Variants in PITPNB observed in about 807,000 individuals in gnomAD.
PITPNB encodes the protein phosphatidylinositol transfer protein beta isoform.
In PITPNB, 16 loss-of-function variants were observed where a neutral mutation model predicts 45.9. That is an observed-to-expected ratio of 0.35 (90% confidence interval 0.24 to 0.53). The LOEUF (loss-of-function observed/expected upper bound fraction) is 0.53, where lower values mean the gene tolerates loss of function less well. PITPNB is among the 20% of genes least tolerant of loss of function. The pLI is 0.93. For synonymous variants in PITPNB, 112 were observed against 108.9 expected (o/e 1.03, Z -0.18); for missense variants, 188 against 330.5 (o/e 0.57, Z 3.34).
chr22:27,893,504 C>T (rs960225246), intron 7 of PITPNB, among the ~76,000 whole-genome samples: 2 of 150,322 alleles, frequency 1.3e-5, no homozygotes, highest in Admixed American at 6.6e-5. Flanking sequence ...AGGATGGTCT[C>T]GATCTCCTGA....
At chr22:27,884,220 G>A (rs544682635) in intron 7 of PITPNB, among the ~76,000 whole-genome samples, 1 of 152,096 alleles carries the variant, frequency 6.6e-6, no homozygotes, top group Non-Finnish European at 1.5e-5. Flanking sequence ...ATTACCCCCT[G>A]GGGGGGACAT....
intron 3 of PITPNB, among the ~76,000 whole-genome samples, chr22:27,907,994 C>T (rs761416913): frequency 5.9e-5 from 9 of 151,666 alleles, no homozygotes; most frequent in Non-Finnish European, 1.2e-4. Context: ...CACCGAGAGC[C>T]AAAATCTTCT....
At chr22:27,865,682 T>TA (rs34172409) in intron 8 of PITPNB, among the ~76,000 whole-genome samples, 4 of 151,652 alleles carry the variant, frequency 2.6e-5, no homozygotes, top group Middle Eastern at 3.4e-3. Flanking sequence ...TCTCTGGCTT[T>TA]AAAAAAATAC....
chr22:27,916,794 G>A (rs536996998), intron 1 of PITPNB, among the ~76,000 whole-genome samples: 2 of 151,150 alleles, frequency 1.3e-5, no homozygotes, highest in South Asian at 2.1e-4. Flanking sequence ...CAGAGACTCC[G>A]CCTCAAAAAA....
intron 6 of PITPNB, among the ~76,000 whole-genome samples, chr22:27,895,572 AAAGT>A (rs1484069802): frequency 6.6e-6 from 1 of 152,132 alleles, no homozygotes; most frequent in Admixed American, 6.5e-5. Context: ...CCTGGGCAAC[AAAGT>A]AAGACTCTGT....
intron 3 of PITPNB, among the ~76,000 whole-genome samples, chr22:27,907,251 TGA>T (rs1228739701): frequency 1.3e-5 from 2 of 152,210 alleles, no homozygotes; most frequent in Non-Finnish European, 2.9e-5. Flanking sequence ...AAGAAAACTG[TGA>T]GTCTCATGGG....
intron 7 of PITPNB, among the ~76,000 whole-genome samples, chr22:27,874,381 T>C (rs1374770334): frequency 1.3e-5 from 2 of 152,150 alleles, no homozygotes; most frequent in Admixed American, 1.3e-4. Flanking sequence ...TACACATGGC[T>C]TGTCTTCCTC....
chr22:27,858,304 AT>A (rs1402683253), intron 10 of PITPNB, 82 bp downstream of exon 10: 1 of 1,104,370 alleles, frequency 9.1e-7, no homozygotes, highest in Non-Finnish European at 1.3e-6. Context: ...ACTCTTCCTA[AT>A]TCTAACTCTG....
At chr22:27,916,672 G>A (rs1172573040) in intron 1 of PITPNB, among the ~76,000 whole-genome samples, 1 of 152,040 alleles carries the variant, frequency 6.6e-6, no homozygotes, top group African/African-American at 2.4e-5. Flanking sequence ...TCATGGTGGC[G>A]TGCGCCTGTA....
intron 7 of PITPNB, among the ~76,000 whole-genome samples, chr22:27,879,076 T>C (rs971639634): frequency 2.0e-5 from 3 of 151,954 alleles, no homozygotes; most frequent in African/African-American, 4.8e-5. Context: ...AGACCCTCCA[T>C]AGAGTCCTGA....
chr22:27,854,246 T>G (rs2146341945), intron 11 of PITPNB, among the ~76,000 whole-genome samples: 1 of 152,262 alleles, frequency 6.6e-6, no homozygotes, highest in East Asian at 1.9e-4. Flanking sequence ...GATTTTTTTT[T>G]TTTTGCATCT....
At chr22:27,903,362 G>A (rs532937496) in intron 3 of PITPNB, among the ~76,000 whole-genome samples, 11 of 151,648 alleles carry the variant, frequency 7.3e-5, no homozygotes, top group East Asian at 1.9e-4. Context: ...CCAGCTACTC[G>A]GGAGGTTGAG....
At chr22:27,874,306 G>A (rs1934754690) in intron 7 of PITPNB, among the ~76,000 whole-genome samples, 1 of 152,090 alleles carries the variant, frequency 6.6e-6, no homozygotes. Context: ...CCTACAGCTG[G>A]GTCTGTGGTG....
At chr22:27,895,452 T>C (rs535325173) in intron 6 of PITPNB, among the ~76,000 whole-genome samples, 3 of 151,820 alleles carry the variant, frequency 2.0e-5, no homozygotes, top group Non-Finnish European at 2.9e-5. Flanking sequence ...TAGCCAGGCA[T>C]GGTGGTGCAT....
intron 10 of PITPNB, among the ~76,000 whole-genome samples, chr22:27,857,564 C>T (rs1934208240): frequency 6.6e-6 from 1 of 152,186 alleles, no homozygotes; most frequent in Non-Finnish European, 1.5e-5. Context: ...CTCACACCTG[C>T]AGGGCTTCCA....
At chr22:27,871,947 C>T (rs1934673640) in intron 8 of PITPNB, among the ~76,000 whole-genome samples, 1 of 152,070 alleles carries the variant, frequency 6.6e-6, no homozygotes, top group African/African-American at 2.4e-5. Flanking sequence ...CTTCCCCTGC[C>T]CCACTTCCAC....
rs1179283469 is a variant in PITPNB at position 27,853,072 on chromosome 22, A to G, written c.*630T>C. 1 of 152,628 alleles carries G rather than the reference A, an allele frequency of 6.6e-6. No homozygotes were observed. The highest frequency in any genetic ancestry group is 1.5e-5 in the Non-Finnish European group (1 of 68,068). 9.5% of individuals were successfully genotyped at this position (152,628 alleles called of 1,614,324 possible). On this transcript the variant is annotated 3_prime_UTR_variant, in exon 12 of 12. Coordinates refer to ENST00000335272, the MANE Select transcript of PITPNB (RefSeq NM_012399.5). The stretch of plus-strand genomic sequence containing the variant: ...TACAAGATAATGACCATCCAGAAAT[A>G]AATAGTTATAAATACATTCAGAGTT...
chr22:27,859,843 G>A (rs958279515), intron 9 of PITPNB, among the ~76,000 whole-genome samples: 7 of 152,170 alleles, frequency 4.6e-5, no homozygotes, highest in African/African-American at 1.7e-4. Flanking sequence ...TCTTGGGGAC[G>A]TGCTGTATGG....
In PITPNB at chr22:27,913,014, G is replaced by A. The variant is rs1935976990; in HGVS notation, c.51+1303C>T. Among the ~76,000 whole-genome samples, 3 of 150,898 alleles carry A rather than the reference G, an allele frequency of 2.0e-5. No homozygotes were observed. The South Asian group carries it at 6.3e-4, about 32-fold the overall frequency. On this transcript the variant is annotated intron_variant, in intron 2 of 11. Transcript: ENST00000335272. Reference sequence around the variant, plus strand: ...AAAAAAAAAAAAAAAGGTGGGGGGGGGAGTATAACAAAAAGCCGAGAACAG... The same window carrying A: ...AAAAAAAAAAAAAAAGGTGGGGGGGAGAGTATAACAAAAAGCCGAGAACAG...
Sources: allele counts gnomAD v4.1 joint callset (sites outside exome capture counted in the v4.1 genomes callset), GRCh38; gene constraint gnomAD v4.1.1; transcripts MANE v1.5; gene names NCBI Gene and HGNC (gene_info 2026-07-23, HGNC 2026-07-21).